Variants in ASCC3 observed in about 807,000 individuals in gnomAD.
ASCC3 encodes the protein ASC-1 complex subunit P200.
In ASCC3, 158 loss-of-function variants were observed where a neutral mutation model predicts 256.3. The observed-to-expected ratio is 0.62, with a 90% CI of 0.54 to 0.70. The LOEUF is 0.70. ASCC3 is among the 30% of genes least tolerant of loss of function. The pLI is 0.00. For missense variants in ASCC3, 2,259 were observed against 2,626.0 expected, an observed-to-expected ratio of 0.86 and a Z score of 3.05; for synonymous variants, 948 against 883.4, an observed-to-expected ratio of 1.07 and a Z score of -1.30.
chr6:100,747,619 G>T (rs1780746914), intron 10 of ASCC3, among the ~76,000 whole-genome samples: 1 of 152,048 alleles, frequency 6.6e-6, no homozygotes, highest in East Asian at 1.9e-4. Flanking sequence ...GTAAGTGAAA[G>T]AAGCCAGATA....
intron 36 of ASCC3, among the ~76,000 whole-genome samples, chr6:100,575,362 T>G (rs1214441900): frequency 6.6e-6 from 1 of 152,136 alleles, no homozygotes; most frequent in Non-Finnish European, 1.5e-5. Flanking sequence ...TTTGCAATTT[T>G]TCCTACAAAA....
intron 21 of ASCC3, among the ~76,000 whole-genome samples, 173 bp downstream of exon 21, chr6:100,647,053 C>G (rs1164950340): frequency 6.6e-6 from 1 of 152,046 alleles, no homozygotes; most frequent in Non-Finnish European, 1.5e-5. Flanking sequence ...TAAACAGACT[C>G]ACTTGAATAT....
intron 36 of ASCC3, among the ~76,000 whole-genome samples, chr6:100,586,553 C>T (rs1304268074): frequency 3.3e-5 from 5 of 152,184 alleles, no homozygotes; most frequent in Admixed American, 2.0e-4. Flanking sequence ...GGCAATGCCT[C>T]GCCCTGCTTT....
chr6:100,617,877 C>T (rs928478987), intron 30 of ASCC3, among the ~76,000 whole-genome samples: 3 of 152,216 alleles, frequency 2.0e-5, no homozygotes, highest in African/African-American at 7.2e-5. Context: ...CACACTCTGT[C>T]TGAGAGTCTC....
intron 1 of ASCC3, among the ~76,000 whole-genome samples, chr6:100,876,258 T>C (rs992286968): frequency 1.3e-5 from 2 of 152,196 alleles, no homozygotes; most frequent in African/African-American, 2.4e-5. Flanking sequence ...AAAATGACTC[T>C]GATTTTATTT....
In ASCC3 at chr6:100,767,308, T is replaced by C. The variant is rs7750940; in HGVS notation, c.1433A>G (p.Asn478Ser). The C allele has an allele frequency of 1.2e-4, 201 of 1,612,354 alleles. 2 individuals carry two copies. In the African/African-American group the frequency reaches 2.1e-3, roughly 17 times the overall value. The change falls in exon 9 of 42, where the codon AAT becomes AGT. Residue 478 changes from asparagine to serine, a missense_variant. By Grantham distance (46) the Asn-to-Ser change is conservative. Around this residue, in one of 2 missense-constraint regions of ASCC3, gnomAD observed 1,839 missense variants for 2,206.7 expected, o/e 0.83. Transcript: ENST00000369162. ...CTCAAACACTATTGACTGGATTCTA[T>C]TGAGTCTCTTCATTCCTTTAAAAGC... ...QLAFKGMKRL[N>S]RIQSIVFETA...
intron 37 of ASCC3, among the ~76,000 whole-genome samples, chr6:100,520,068 T>C (rs529703884): frequency 6.6e-6 from 1 of 152,286 alleles, no homozygotes; most frequent in South Asian, 2.1e-4. Flanking sequence ...CCTAGTTGTC[T>C]TGTTCTCTTT....
chr6:100,764,439 A>G (rs1781555488), intron 10 of ASCC3, among the ~76,000 whole-genome samples: 1 of 152,214 alleles, frequency 6.6e-6, no homozygotes, highest in Non-Finnish European at 1.5e-5. Context: ...GAGCAATGCT[A>G]TTTTAGAAAA....
intron 37 of ASCC3, among the ~76,000 whole-genome samples, chr6:100,533,796 T>C (rs539989875): frequency 8.5e-5 from 13 of 152,340 alleles, no homozygotes; most frequent in Non-Finnish European, 1.8e-4. Context: ...TATATTTAGG[T>C]GTTTTTCACT....
chr6:100,713,414 G>T (rs1158154827), intron 13 of ASCC3, among the ~76,000 whole-genome samples: 1 of 152,132 alleles, frequency 6.6e-6, no homozygotes, highest in Non-Finnish European at 1.5e-5. Flanking sequence ...TAAGCGGGAG[G>T]ACAGAAAAAC....
intron 4 of ASCC3, 89 bp downstream of exon 4, chr6:100,848,059 C>T: frequency 2.3e-6 from 3 of 1,312,088 alleles, no homozygotes; most frequent in Non-Finnish European, 3.1e-6. Context: ...CATTAAAGAA[C>T]TTTCTTTGCT....
chr6:100,509,314 A>G lies in ASCC3; in HGVS notation c.*72T>C, dbSNP rs1485058225. On this transcript the variant is annotated 3_prime_UTR_variant, in exon 42 of 42. Coordinates refer to ENST00000369162, the MANE Select transcript of ASCC3 (RefSeq NM_006828.4). ...ATTCTTTCAAGGCAAACATCAAGTAATTCGATTTGTCTAGATGACTGAACA... is the reference window on the plus strand; with the variant it reads ...ATTCTTTCAAGGCAAACATCAAGTAGTTCGATTTGTCTAGATGACTGAACA... 5.0e-6 allele frequency: 8 copies of G among 1,588,562 alleles called. No homozygotes were observed. The highest frequency in any genetic ancestry group is 1.3e-5 in the African/African-American group (1 of 74,378).
At chr6:100,666,442 T>C (rs1344807227) in intron 14 of ASCC3, among the ~76,000 whole-genome samples, 1 of 152,206 alleles carries the variant, frequency 6.6e-6, no homozygotes, top group Non-Finnish European at 1.5e-5. Flanking sequence ...GCATCAGCAT[T>C]GTATAACAGT....
At chr6:100,565,794 C>T (rs1229300448) in intron 36 of ASCC3, among the ~76,000 whole-genome samples, 1 of 152,298 alleles carries the variant, frequency 6.6e-6, no homozygotes, top group South Asian at 2.1e-4. Context: ...TTCACTATAG[C>T]AACCACTTTA....
At chr6:100,548,893 T>G (rs1769146379) in intron 36 of ASCC3, among the ~76,000 whole-genome samples, 1 of 151,978 alleles carries the variant, frequency 6.6e-6, no homozygotes, top group South Asian at 2.1e-4. Flanking sequence ...TACTATGTTT[T>G]TCCTATGTAT....
rs187045419 is a variant in ASCC3 at position 100,797,319 on chromosome 6, G to A, written c.1395+1394C>T. Among the ~76,000 whole-genome samples, 170 of 151,826 alleles carry A rather than the reference G, an allele frequency of 1.1e-3. 1 individual carries two copies. The highest frequency in any genetic ancestry group is 6.8e-3 in the Middle Eastern group (2 of 294). On this transcript the variant is annotated intron_variant, in intron 8 of 41. Transcript: ENST00000369162. ...ACAAAAATTAGCTGGGCACAGTGGT[G>A]CATGCCTGTAATCCCAGCTACTTGG...
chr6:100,694,904 T>C (rs1006551189), intron 13 of ASCC3, among the ~76,000 whole-genome samples: 1 of 152,154 alleles, frequency 6.6e-6, no homozygotes, highest in African/African-American at 2.4e-5. Flanking sequence ...TGAGGGGCAC[T>C]ATATATTTAG....
At position 100,605,720 on chromosome 6, in the gene ASCC3, G is replaced by C. The variant is rs763602835; in HGVS notation, c.5045-20C>G. 1 of 1,612,704 alleles carries C rather than the reference G, an allele frequency of 6.2e-7. No homozygotes were observed. Among genetic ancestry groups the C allele is most frequent in the Admixed American group, 1.7e-5 (1 of 59,888 alleles). On this transcript the variant is annotated intron_variant, in intron 32 of 41. Transcript: ENST00000369162. ...GGACATCTTTAAAAGAGAGAACAAAGAGATATTCTACAATGTGGCATATAG... is the reference window on the plus strand; with the variant it reads ...GGACATCTTTAAAAGAGAGAACAAACAGATATTCTACAATGTGGCATATAG...
chr6:100,836,246 T>C (rs1771868720), intron 4 of ASCC3, among the ~76,000 whole-genome samples: 1 of 152,142 alleles, frequency 6.6e-6, no homozygotes, highest in African/African-American at 2.4e-5. Context: ...TTTTACTTCT[T>C]TCTCTTGCCT....
Sources: allele counts gnomAD v4.1 joint callset (sites outside exome capture counted in the v4.1 genomes callset), GRCh38; gene constraint gnomAD v4.1.1; regional missense constraint gnomAD v4.1.1; transcripts MANE v1.5; gene names NCBI Gene and HGNC (gene_info 2026-07-23, HGNC 2026-07-21).